Variants in NFATC2 observed in about 807,000 individuals in gnomAD.
NFATC2 encodes nuclear factor of activated T-cells, cytoplasmic 2.
Under a neutral mutation model 87.3 loss-of-function variants are expected in NFATC2, and 22 were observed. That is an observed-to-expected ratio of 0.25 (90% CI 0.18 to 0.36). The LOEUF is 0.36. NFATC2 is among the 10% of genes least tolerant of loss of function. The probability of loss-of-function intolerance (pLI) is 1.00; values close to 1 mark genes in which losing one functional copy is unlikely to be tolerated. For synonymous variants in NFATC2, 565 were observed against 542.2 expected, an observed-to-expected ratio of 1.04 and a Z score of -0.58; for missense variants, 1,149 against 1,259.1, an observed-to-expected ratio of 0.91 and a Z score of 1.32.
In NFATC2 at chr20:51,527,212, T is replaced by C. The variant is rs1430666330; in HGVS notation, c.131-3102A>G. Among the ~76,000 whole-genome samples the C allele has an allele frequency of 2.0e-5, 3 of 152,114 alleles. No homozygotes were observed. In the East Asian group the frequency reaches 5.8e-4, roughly 29 times the overall value. On this transcript the variant is annotated intron_variant, in intron 1 of 10. Transcript: ENST00000371564. ...AACCGTGTCTGGCAAAGGGGAGTTT[T>C]TAAAAGCATCAAGCTCCTTCCTGCC...
chr20:51,419,389 T>C (rs2146296053), intron 9 of NFATC2, among the ~76,000 whole-genome samples: 1 of 152,298 alleles, frequency 6.6e-6, no homozygotes, highest in African/African-American at 2.4e-5. Context: ...TAAATGTGAT[T>C]TCTGGGTTAC....
At chr20:51,537,746 C>A (rs997727588) in intron 1 of NFATC2, among the ~76,000 whole-genome samples, 8 of 152,252 alleles carry the variant, frequency 5.3e-5, no homozygotes, top group African/African-American at 1.9e-4. Flanking sequence ...TCTTCCCCTT[C>A]CAGGGTGGGA....
chr20:51,477,821 T>A (rs1489633638), intron 3 of NFATC2, among the ~76,000 whole-genome samples: 1 of 151,954 alleles, frequency 6.6e-6, no homozygotes, highest in Non-Finnish European at 1.5e-5. Flanking sequence ...AATGGTTACA[T>A]ATGGTCTAGA....
intron 9 of NFATC2, among the ~76,000 whole-genome samples, chr20:51,418,298 T>C (rs1239785805): frequency 1.3e-5 from 2 of 152,248 alleles, no homozygotes; most frequent in Non-Finnish European, 2.9e-5. Context: ...ATCCTTCAGA[T>C]GGTGGTTCTT....
chr20:51,509,993 C>T (rs1050208920), intron 3 of NFATC2, among the ~76,000 whole-genome samples: 2 of 152,188 alleles, frequency 1.3e-5, no homozygotes, highest in African/African-American at 4.8e-5. Context: ...AGGAATTCCT[C>T]GTAACAGAGC....
chr20:51,483,700 G>C (rs1367069046), intron 3 of NFATC2, among the ~76,000 whole-genome samples: 1 of 146,026 alleles, frequency 6.8e-6, no homozygotes, highest in Non-Finnish European at 1.5e-5. Flanking sequence ...AACAAGCCAT[G>C]ACTGTGTGTT....
intron 5 of NFATC2, among the ~76,000 whole-genome samples, chr20:51,457,831 C>T (rs1986726624): frequency 6.6e-6 from 1 of 151,624 alleles, no homozygotes; most frequent in Non-Finnish European, 1.5e-5. Context: ...TCAGCCCTGG[C>T]CAATTAGAAT....
chr20:51,527,061 G>A (rs1308643784), intron 1 of NFATC2, among the ~76,000 whole-genome samples: 1 of 151,930 alleles, frequency 6.6e-6, no homozygotes, highest in African/African-American at 2.4e-5. Flanking sequence ...ACCGGGCTCA[G>A]CTAATTTTTT....
chr20:51,417,843 C>T (rs938708479), intron 9 of NFATC2, among the ~76,000 whole-genome samples: 1 of 19,004 alleles, frequency 5.3e-5, no homozygotes, highest in Non-Finnish European at 8.9e-5. Flanking sequence ...AAAGCAAATG[C>T]TCAGCAACAC....
At position 51,388,984 on chromosome 20, in the gene NFATC2, TC is replaced by T. The variant is rs1373903547; in HGVS notation, c.*2511del. On this transcript the variant is annotated 3_prime_UTR_variant, in exon 11 of 11. Coordinates refer to ENST00000371564, the MANE Select transcript of NFATC2 (RefSeq NM_012340.5). Reference sequence around the variant, plus strand: ...CCTAGCATTTGTAACTGACAAAACTTCCTTGATAGCTGTCAGTTCCTAATAC... The same window carrying T: ...CCTAGCATTTGTAACTGACAAAACTTCTTGATAGCTGTCAGTTCCTAATAC... 6.6e-6 allele frequency: 1 copy of T among 152,250 alleles called. No homozygotes were observed. The highest frequency in any genetic ancestry group is 1.5e-5 in the Non-Finnish European group (1 of 68,044). 9.4% of individuals were successfully genotyped at this position (152,250 alleles called of 1,614,324 possible).
intron 1 of NFATC2, among the ~76,000 whole-genome samples, chr20:51,540,857 G>A (rs903893129): frequency 2.6e-5 from 4 of 151,916 alleles, no homozygotes; most frequent in Admixed American, 1.3e-4. Context: ...AATCTGGGAG[G>A]GGTGTGAGTA....
intron 9 of NFATC2, among the ~76,000 whole-genome samples, chr20:51,427,781 C>T (rs2146324086): frequency 6.6e-6 from 1 of 152,298 alleles, no homozygotes; most frequent in East Asian, 1.9e-4. Flanking sequence ...TTTCTGTACA[C>T]TCATCTGCAG....
At chr20:51,511,006 C>T (rs568991027) in intron 3 of NFATC2, among the ~76,000 whole-genome samples, 1 of 152,266 alleles carries the variant, frequency 6.6e-6, no homozygotes, top group Admixed American at 6.5e-5. Flanking sequence ...TGATTTATGG[C>T]CAAAACTGAA....
At chr20:51,543,538 G>A (rs899761817), upstream of NFATC2, among the ~76,000 whole-genome samples, 1 of 152,188 alleles carries the variant, frequency 6.6e-6, no homozygotes, top group Non-Finnish European at 1.5e-5. Context: ...CCAAAACACA[G>A]AGCCAGAGCT....
chr20:51,534,628 C>A (rs375325459), intron 1 of NFATC2, among the ~76,000 whole-genome samples: 1 of 152,220 alleles, frequency 6.6e-6, no homozygotes, highest in African/African-American at 2.4e-5. Context: ...CCACTGAGCC[C>A]GGCCTTCATT....
chr20:51,547,688 C>T (rs918752113), upstream of NFATC2, among the ~76,000 whole-genome samples: 14 of 152,198 alleles, frequency 9.2e-5, 4 homozygotes, highest in South Asian at 1.4e-3. Context: ...CTGTTCCTGC[C>T]TCACTGTGCC....
chr20:51,427,784 A>T (rs374146619), intron 9 of NFATC2, among the ~76,000 whole-genome samples: 6 of 152,070 alleles, frequency 3.9e-5, no homozygotes, highest in East Asian at 1.9e-4. Context: ...CTGTACACTC[A>T]TCTGCAGGGG....
chr20:51,488,124 C>T (rs772980154), intron 3 of NFATC2, among the ~76,000 whole-genome samples: 179 of 152,100 alleles, frequency 1.2e-3, no homozygotes, highest in African/African-American at 1.2e-3. Context: ...ACCTCTTCAT[C>T]GGGGCCGTTC....
chr20:51,515,840 T>C (rs971839962), intron 3 of NFATC2, among the ~76,000 whole-genome samples: 1 of 152,232 alleles, frequency 6.6e-6, no homozygotes, highest in South Asian at 2.1e-4. Context: ...ACTCATGTTA[T>C]ATAGTTTCTA....
Sources: gnomAD v4.1 joint callset for allele counts (sites outside exome capture counted in the v4.1 genomes callset) on GRCh38, gnomAD v4.1.1 for gene constraint, MANE v1.5 for transcripts, NCBI Gene and HGNC (gene_info 2026-07-23, HGNC 2026-07-21) for gene names.